NBAS: variants seen among roughly 807,000 people sequenced by gnomAD.
The protein encoded by NBAS is NBAS subunit of NRZ tethering complex.
NBAS carries 219 observed loss-of-function variants against 302.5 expected under a neutral mutation model. That is an observed-to-expected ratio of 0.72 (90% CI 0.65 to 0.81). The LOEUF (loss-of-function observed/expected upper bound fraction) is 0.81, where lower values mean the gene tolerates loss of function less well. Among genes scored for constraint, NBAS ranks in the 30% least tolerant of loss-of-function variants. NBAS has a pLI of 0.00. For missense variants in NBAS, 2,932 were observed against 2,841.6 expected (o/e 1.03, Z -0.72); for synonymous variants, 1,118 against 1,021.6 (o/e 1.09, Z -1.80).
chr2:15,157,580 C>A, the NBAS span, among the ~76,000 whole-genome samples: 4 of 152,296 alleles, frequency 2.6e-5, no homozygotes, highest in South Asian at 4.1e-4. Context: ...TAACCAGGCA[C>A]CAAGTTCAAC....
At chr2:15,140,380 G>A in the NBAS span, among the ~76,000 whole-genome samples, 1 of 152,192 alleles carries the variant, frequency 6.6e-6, no homozygotes, top group African/African-American at 2.4e-5. Flanking sequence ...GTTGTTGGTT[G>A]ACAACCCTAA....
chr2:15,388,967 G>T (rs1675449995), intron 28 of NBAS, among the ~76,000 whole-genome samples: 1 of 152,024 alleles, frequency 6.6e-6, no homozygotes. Flanking sequence ...TTTTGAAGGG[G>T]GGTAACTTAT....
At chr2:15,071,408 G>A in the NBAS span, among the ~76,000 whole-genome samples, 1 of 152,074 alleles carries the variant, frequency 6.6e-6, no homozygotes, top group African/African-American at 2.4e-5. Flanking sequence ...GGCAGATCAC[G>A]AGGTCAGGAG....
At chr2:15,042,139 T>C in the NBAS span, among the ~76,000 whole-genome samples, 1 of 152,388 alleles carries the variant, frequency 6.6e-6, no homozygotes, top group Non-Finnish European at 1.5e-5. Flanking sequence ...AATTGGTTTC[T>C]TTTGTAAGAA....
intron 39 of NBAS, among the ~76,000 whole-genome samples, chr2:15,308,879 A>G (rs2148160993): frequency 6.6e-6 from 1 of 152,280 alleles, no homozygotes; most frequent in Non-Finnish European, 1.5e-5. Context: ...AGGGTTGTTG[A>G]ATTTTGTCAA....
chr2:15,506,535 A>G (rs1249436778), intron 10 of NBAS, among the ~76,000 whole-genome samples: 1 of 152,206 alleles, frequency 6.6e-6, no homozygotes, highest in African/African-American at 2.4e-5. Context: ...TTACATCCAG[A>G]CAAGTTTCCC....
At chr2:15,421,955 C>T (rs1007402862) in intron 23 of NBAS, among the ~76,000 whole-genome samples, 38 of 152,264 alleles carry the variant, frequency 2.5e-4, no homozygotes, top group African/African-American at 8.4e-4. Flanking sequence ...GGCCCATGAA[C>T]GTGCACTGAC....
the NBAS span, among the ~76,000 whole-genome samples, chr2:15,099,526 C>T: frequency 6.6e-6 from 1 of 151,712 alleles, no homozygotes; most frequent in African/African-American, 2.4e-5. Context: ...ATAGTCAATC[C>T]TATGATGCCA....
chr2:15,394,270 C>A lies in NBAS; in HGVS notation c.3214G>T (p.Ala1072Ser). The change falls in exon 28 of 52, where the codon GCA becomes TCA. Residue 1072 changes from alanine (A) to serine (S), a missense_variant. Ala to Ser is a moderately conservative substitution (Grantham distance 99). Coordinates refer to ENST00000281513, the MANE Select transcript of NBAS (RefSeq NM_015909.4). ...GTCAATCTAACCATCAGCTTGCGTG[C>A]CTCTTCTGAGCTAGATTGAGTGTTT... ...VKNTQSSSEEARKLMVRLTRH... is the reference protein window; with the variant it reads ...VKNTQSSSEESRKLMVRLTRH... 2 of 1,612,614 alleles carry A rather than the reference C, an allele frequency of 1.2e-6. No homozygotes were observed. The highest frequency in any genetic ancestry group is 1.7e-6 in the Non-Finnish European group (2 of 1,179,238).
the NBAS span, among the ~76,000 whole-genome samples, chr2:15,016,369 T>G: frequency 2.0e-5 from 3 of 152,138 alleles, no homozygotes; most frequent in Non-Finnish European, 4.4e-5. Context: ...AGCTACAGTT[T>G]GGTTGGGGAC....
At chr2:15,010,025 T>A in the NBAS span, among the ~76,000 whole-genome samples, 1 of 152,152 alleles carries the variant, frequency 6.6e-6, no homozygotes. Context: ...ATCTGATACA[T>A]AAGCAATGTC....
intron 45 of NBAS, among the ~76,000 whole-genome samples, chr2:15,234,965 T>C (rs905080015): frequency 4.1e-4 from 63 of 152,214 alleles, no homozygotes; most frequent in African/African-American, 1.4e-3. Flanking sequence ...TTAGTGGGCC[T>C]TTGTGATCTC....
chr2:15,477,822 T>G (rs1157538213), intron 13 of NBAS, among the ~76,000 whole-genome samples: 1 of 152,204 alleles, frequency 6.6e-6, no homozygotes, highest in Non-Finnish European at 1.5e-5. Flanking sequence ...ATATGCTCAT[T>G]GTAAAAAAGA....
the NBAS span, among the ~76,000 whole-genome samples, chr2:15,049,853 G>A: frequency 3.9e-5 from 6 of 152,306 alleles, no homozygotes; most frequent in East Asian, 1.2e-3. Flanking sequence ...GGGAAGCCAG[G>A]CAAGAGCCTG....
At chr2:15,048,249 G>C in the NBAS span, among the ~76,000 whole-genome samples, 125,234 of 152,278 alleles carry the variant, frequency 0.82, 51,841 homozygotes, top group East Asian at 0.99. Context: ...AGGCAAAGCA[G>C]GCCCTGCGTG....
chr2:15,449,917 C>T (rs1406133703), intron 21 of NBAS, among the ~76,000 whole-genome samples: 1 of 152,130 alleles, frequency 6.6e-6, no homozygotes, highest in Non-Finnish European at 1.5e-5. Flanking sequence ...ATAAACTGCA[C>T]ACAGGGGAAT....
At chr2:15,225,639 C>A (rs1030273256) in intron 47 of NBAS, among the ~76,000 whole-genome samples, 34 of 152,226 alleles carry the variant, frequency 2.2e-4, no homozygotes, top group African/African-American at 7.9e-4. Flanking sequence ...GCAGCTGAAG[C>A]TGAGACTGTG....
chr2:15,020,859 G>GA, the NBAS span, among the ~76,000 whole-genome samples: 1 of 152,166 alleles, frequency 6.6e-6, no homozygotes, highest in African/African-American at 2.4e-5. Flanking sequence ...CTCTGAAGGA[G>GA]AAACTGAGTT....
intron 42 of NBAS, among the ~76,000 whole-genome samples, chr2:15,284,827 C>T (rs1458864876): frequency 2.0e-5 from 3 of 152,190 alleles, no homozygotes; most frequent in Non-Finnish European, 2.9e-5. Context: ...ATATTAAATG[C>T]TTTGCCACTC....
Sources: gnomAD v4.1 joint callset for allele counts (sites outside exome capture counted in the v4.1 genomes callset) on GRCh38, gnomAD v4.1.1 for gene constraint, MANE v1.5 for transcripts, NCBI Gene and HGNC (gene_info 2026-07-23, HGNC 2026-07-21) for gene names.